Variants in JAML observed in about 807,000 individuals in gnomAD.
JAML encodes junction adhesion molecule like.
Under a neutral mutation model 39.3 loss-of-function variants are expected in JAML, and 25 were observed. That is an observed-to-expected ratio of 0.64 (90% CI 0.46 to 0.89). JAML has a LOEUF of 0.89. Ranked by LOEUF, JAML falls within the 40% of genes least tolerant of loss-of-function variation. The pLI, the probability that JAML is intolerant of heterozygous loss-of-function variation, is 0.00. For missense variants in JAML, 440 were observed against 486.9 expected (o/e 0.90, Z 0.91); for synonymous variants, 162 against 179.2 (o/e 0.90, Z 0.77).
At chr11:118,218,804 T>C (rs1259699930) in intron 1 of JAML, among the ~76,000 whole-genome samples, 1 of 147,320 alleles carries the variant, frequency 6.8e-6, no homozygotes, top group African/African-American at 2.7e-5. Flanking sequence ...TGAATTTCAG[T>C]TTTAAAAAAA....
intron 1 of JAML, among the ~76,000 whole-genome samples, chr11:118,217,175 T>C (rs1008945220): frequency 3.9e-5 from 6 of 152,228 alleles, no homozygotes; most frequent in African/African-American, 1.4e-4. Flanking sequence ...TGTGTCCTGT[T>C]ACCGTGGGGC....
At chr11:118,199,101 C>T (rs1948721772) in intron 7 of JAML, among the ~76,000 whole-genome samples, 1 of 152,148 alleles carries the variant, frequency 6.6e-6, no homozygotes, top group African/African-American at 2.4e-5. Flanking sequence ...GTTTCATTGA[C>T]TGGTTCACTG....
At chr11:118,196,636 C>T (rs781691248) in intron 9 of JAML, 99 bp downstream of exon 9, 26 of 933,782 alleles carry the variant, frequency 2.8e-5, no homozygotes, top group African/African-American at 9.9e-5. Flanking sequence ...GAAAAATCAC[C>T]GCCCTCAGCA....
At chr11:118,198,336 A>C (rs1948703737) in intron 7 of JAML, among the ~76,000 whole-genome samples, 1 of 152,226 alleles carries the variant, frequency 6.6e-6, no homozygotes, top group Admixed American at 6.5e-5. Context: ...CTTCTCTATT[A>C]TCACTCAAGC....
rs931809940 is a variant in JAML at position 118,214,706 on chromosome 11, T to A, written c.43+118A>T. The stretch of plus-strand genomic sequence containing the variant: ...TCAACAAAACTGTGAAGTTCCACAT[T>A]AGGGTTTCCATCTTCAACAAACCCA... On this transcript the variant is annotated intron_variant, in intron 2 of 9. Transcript: ENST00000356289. 3 of 1,052,202 alleles carry A rather than the reference T, an allele frequency of 2.9e-6. No individual in the cohort carries two copies. The African/African-American group carries it at 4.8e-5, about 17-fold the overall frequency. 65.2% of individuals were successfully genotyped at this position (1,052,202 alleles called of 1,614,324 possible).
At chr11:118,211,136 G>A (rs1041775545) in intron 3 of JAML, among the ~76,000 whole-genome samples, 9 of 152,188 alleles carry the variant, frequency 5.9e-5, no homozygotes, top group South Asian at 2.1e-4. Context: ...AGGCATGGCC[G>A]GCTGGCTGCC....
chr11:118,194,827 ACC>A (rs1948620404), intron 9 of JAML, among the ~76,000 whole-genome samples: 1 of 152,206 alleles, frequency 6.6e-6, no homozygotes, highest in South Asian at 2.1e-4. Context: ...ATCAGAGAAC[ACC>A]TTTATAAATG....
At chr11:118,201,408 C>T (rs1238692347) in intron 6 of JAML, 1 of 152,202 alleles carries the variant, frequency 6.6e-6, no homozygotes. Flanking sequence ...GGAGGCCTGA[C>T]AGGATGATGA....
chr11:118,212,006 C>T (rs1476051259), intron 3 of JAML, among the ~76,000 whole-genome samples: 2 of 115,644 alleles, frequency 1.7e-5, no homozygotes, highest in East Asian at 2.9e-4. Context: ...TCTAGAACCT[C>T]GGAATTTACC....
chr11:118,218,632 G>C (rs1046738122), intron 1 of JAML, among the ~76,000 whole-genome samples: 12 of 152,080 alleles, frequency 7.9e-5, no homozygotes, highest in Admixed American at 3.3e-4. Context: ...TAACACCTTG[G>C]ACATTTACCA....
chr11:118,208,626 G>C (rs1409502742), intron 4 of JAML, among the ~76,000 whole-genome samples: 1 of 152,224 alleles, frequency 6.6e-6, no homozygotes, highest in African/African-American at 2.4e-5. Context: ...AATGGCCCCA[G>C]ATTCTAGTTC....
At chr11:118,198,721 T>C (rs970948031) in intron 7 of JAML, among the ~76,000 whole-genome samples, 1 of 149,898 alleles carries the variant, frequency 6.7e-6, no homozygotes, top group East Asian at 1.9e-4. Flanking sequence ...AAAGAAACCA[T>C]ATGTTTTGGT....
intron 4 of JAML, among the ~76,000 whole-genome samples, chr11:118,208,249 G>C (rs941946228): frequency 2.0e-5 from 3 of 151,832 alleles, no homozygotes; most frequent in Non-Finnish European, 4.4e-5. Flanking sequence ...AAAAGAGAGA[G>C]AGAGAGAGAA....
chr11:118,196,787 A>C lies in JAML; in HGVS notation c.1040T>G (p.Val347Gly), dbSNP rs1174725342. The stretch of plus-strand genomic sequence containing the variant: ...TTCACTTGGTTCTTCTTCCTCGATC[A>C]CCTCCCGTACAATTATTGGGGAGTA... ...HIYSPIIVRE[V>G]IEEEEPSEKS... The change falls in exon 9 of 10, where the codon GTG becomes GGG. Residue 347 changes from valine (V) to glycine (G), a missense_variant. Physicochemically the swap from Val to Gly is moderately radical, Grantham distance 109 (BLOSUM62 -3). Transcript: ENST00000356289. The C allele has an allele frequency of 6.2e-7, 1 of 1,612,484 alleles. No individual in the cohort carries two copies. Among genetic ancestry groups the C allele is most frequent in the East Asian group, 2.2e-5 (1 of 44,866 alleles).
In JAML at chr11:118,210,688, A is replaced by G; in HGVS notation, c.223T>C (p.Ser75Pro). 1.9e-6 allele frequency: 3 copies of G among 1,614,154 alleles called. No homozygotes were observed. The highest frequency in any genetic ancestry group is 1.1e-5 in the South Asian group (1 of 91,084). Residue 75 changes from serine (S) to proline (P), a missense_variant, in exon 4 of 10, where the codon TCC (serine) becomes CCC (proline). By Grantham distance (74) the Ser-to-Pro change is moderately conservative (BLOSUM62 -1). Transcript: ENST00000356289. ...AKDEYVLYYYSNLSVPIGRFQ... is the reference protein window; with the variant it reads ...AKDEYVLYYYPNLSVPIGRFQ... ...CGCCCAATAGGCACACTGAGATTGG[A>G]GTAATAGTATAGCACATATTCGTCC...
intron 3 of JAML, 29 bp downstream of exon 3, chr11:118,212,378 A>G (rs1475702868): frequency 6.2e-7 from 1 of 1,610,570 alleles, no homozygotes. Context: ...AGGGGCTTCT[A>G]TTACATAGTG....
chr11:118,196,238 G>A (rs148432030), intron 9 of JAML, among the ~76,000 whole-genome samples: 3,398 of 145,686 alleles, frequency 0.023, 139 homozygotes, highest in African/African-American at 0.081. Flanking sequence ...AGCAATTCTC[G>A]TGCCTCAGCC....
At chr11:118,223,976 C>T (rs999159469) in intron 1 of JAML, 1 of 152,194 alleles carries the variant, frequency 6.6e-6, no homozygotes, top group Non-Finnish European at 1.5e-5. Context: ...AAACGGACAA[C>T]TGCACAGCCT....
At position 118,205,873 on chromosome 11, in the gene JAML, CCTT is replaced by C. The variant is rs945562698; in HGVS notation, c.534+6_534+8del. On this transcript the variant is annotated splice_donor_region_variant and intron_variant, in intron 5 of 9. Coordinates refer to ENST00000356289, the MANE Select transcript of JAML (RefSeq NM_001098526.2). Reference sequence around the variant, plus strand: ...CTTCTCTAACACAGTGATGTTTCCTCCTTGTTACCTTTGCGCGCCGTCCTGAAA... The same window carrying C: ...CTTCTCTAACACAGTGATGTTTCCTCGTTACCTTTGCGCGCCGTCCTGAAA... The C allele has an allele frequency of 3.1e-6, 5 of 1,610,736 alleles. No homozygotes were observed. Among genetic ancestry groups the C allele is most frequent in the Admixed American group, 1.7e-5 (1 of 59,994 alleles).
Sources: gnomAD v4.1 joint callset for allele counts (sites outside exome capture counted in the v4.1 genomes callset) on GRCh38, gnomAD v4.1.1 for gene constraint, MANE v1.5 for transcripts, NCBI Gene and HGNC (gene_info 2026-07-23, HGNC 2026-07-21) for gene names.